The following OSBPL5 variants were observed in gnomAD, a reference collection of about 807,000 sequenced individuals.
OSBPL5 encodes the protein oxysterol-binding protein-related protein 5.
In OSBPL5, 71 loss-of-function variants were observed where a neutral mutation model predicts 111.2. The ratio of observed to expected loss-of-function variants is 0.64; its 90% CI spans 0.53 to 0.78. The LOEUF (loss-of-function observed/expected upper bound fraction) is 0.78. OSBPL5 is among the 30% of genes least tolerant of loss of function. The pLI is 0.00. For missense variants in OSBPL5, 1,210 were observed against 1,189.3 expected, an observed-to-expected ratio of 1.02 and a Z score of -0.26; for synonymous variants, 549 against 513.9, an observed-to-expected ratio of 1.07 and a Z score of -0.93.
intron 1 of OSBPL5, among the ~76,000 whole-genome samples, chr11:3,131,619 C>CCA: frequency 9.6e-5 from 3 of 31,174 alleles, no homozygotes; most frequent in Admixed American, 5.8e-4. Flanking sequence ...ATTCATCCAT[C>CCA]TGTCTATTCA....
At position 3,090,949 on chromosome 11, in the gene OSBPL5, T is replaced by A. The variant is rs115693236; in HGVS notation, c.2260-253A>T. 2.8e-3 allele frequency among the ~76,000 whole-genome samples: 424 copies of A among 152,342 alleles called. 1 individual carries two copies. Among genetic ancestry groups the A allele is most frequent in the African/African-American group, 9.5e-3 (394 of 41,594 alleles). On this transcript the variant is annotated intron_variant, in intron 19 of 21. Transcript: ENST00000263650. ...TGACCCCTCACAGTGAGCAAGGGCC[T>A]GCAAGGTGGTGCAGACACGCCTGCC...
Position 3,126,710 on chromosome 11 carries a change from T to C in OSBPL5, c.137-155A>G, listed in dbSNP as rs1395202770. Reference sequence around the variant, plus strand: ...GTGGTGGCAGGAACAGGACACTGCCTGAGAGGTGTAATAAACGCCAGCAAG... The same window carrying C: ...GTGGTGGCAGGAACAGGACACTGCCCGAGAGGTGTAATAAACGCCAGCAAG... On this transcript the variant is annotated intron_variant, in intron 2 of 21. Coordinates refer to ENST00000263650, the MANE Select transcript of OSBPL5 (RefSeq NM_020896.4). The surrounding 1 kb of genome is among the most constrained non-coding windows in gnomAD (Gnocchi z 6.5). 9 of 554,952 alleles carry C rather than the reference T, an allele frequency of 1.6e-5. No homozygotes were observed. Among genetic ancestry groups the C allele is most frequent in the Non-Finnish European group, 2.8e-5 (9 of 316,008 alleles). The allele number at this position is 554,952 out of a possible 1,614,324, so 34.4% of individuals were successfully genotyped here.
At chr11:3,136,399 G>A (rs1247514229) in intron 1 of OSBPL5, among the ~76,000 whole-genome samples, 2 of 152,264 alleles carry the variant, frequency 1.3e-5, no homozygotes, top group African/African-American at 4.8e-5. Flanking sequence ...GCCACACTTA[G>A]CTGAACCTTG....
Position 3,120,435 on chromosome 11 carries a change from C to T in OSBPL5, c.592G>A (p.Val198Ile), listed in dbSNP as rs141603706. 3.9e-4 allele frequency: 627 copies of T among 1,613,058 alleles called. 3 individuals are homozygous for T. Among genetic ancestry groups the T allele is most frequent in the African/African-American group, 2.2e-3 (162 of 75,072 alleles). Residue 198 changes from valine to isoleucine, a missense_variant, in exon 6 of 22, where the codon GTC (valine) becomes ATC (isoleucine). Physicochemically the swap from Val to Ile is conservative, Grantham distance 29. Transcript: ENST00000263650. ...FKLFHPLDQS[V>I]WAVKGPKGES... ...CTCCGCAGCACCTTCACGGCCCAGACGGACTGATCCAGCGGGTGGAAGAGC... is the reference window on the plus strand; with the variant it reads ...CTCCGCAGCACCTTCACGGCCCAGATGGACTGATCCAGCGGGTGGAAGAGC...
At chr11:3,119,432 C>A in intron 7 of OSBPL5, 115 bp downstream of exon 7, 3 of 1,075,306 alleles carry the variant, frequency 2.8e-6, no homozygotes, top group Non-Finnish European at 3.9e-6. Flanking sequence ...TTCAGGCTGC[C>A]CCCAGACAGT....
chr11:3,158,058 C>T (rs1846835420), intron 1 of OSBPL5, among the ~76,000 whole-genome samples: 1 of 152,244 alleles, frequency 6.6e-6, no homozygotes, highest in Admixed American at 6.5e-5. Context: ...GGACAAACAA[C>T]CAGGCCCTGT....
chr11:3,119,839 G>T, intron 6 of OSBPL5: 1 of 528,016 alleles, frequency 1.9e-6, no homozygotes, highest in Non-Finnish European at 3.3e-6. Flanking sequence ...CCCTTTCTTA[G>T]CTGGCAGCTC....
intron 21 of OSBPL5, 90 bp downstream of exon 21, chr11:3,089,756 T>A: frequency 7.8e-7 from 1 of 1,288,294 alleles, no homozygotes; most frequent in Non-Finnish European, 1.1e-6. Flanking sequence ...AGCCGCGGCC[T>A]CCTGGCCTCC....
intron 1 of OSBPL5, among the ~76,000 whole-genome samples, chr11:3,133,211 G>C (rs11025548): frequency 0.013 from 2,006 of 152,370 alleles, 21 homozygotes; most frequent in Middle Eastern, 0.024. Flanking sequence ...GGCCCTCTTG[G>C]TGCTGGTAGG....
chr11:3,121,848 C>T lies in OSBPL5; in HGVS notation c.402+149G>A, dbSNP rs1358202188. ...GAGACAGGTGGATAAGGAAAGGCCT[C>T]ATGAGGAAGGAGCAGAGGCTGCAGT... is the stretch of plus-strand genomic sequence containing the variant. On this transcript the variant is annotated intron_variant, in intron 5 of 21. Transcript: ENST00000263650. This position sits in a 1 kb window ranked among gnomAD's most constrained non-coding sequence, Gnocchi z 4.3. 11 of 693,138 alleles carry T rather than the reference C, an allele frequency of 1.6e-5. No homozygotes were observed. In the South Asian group the frequency reaches 1.6e-4, roughly 10 times the overall value. The allele number at this position is 693,138 out of a possible 1,614,324, so 42.9% of individuals were successfully genotyped here.
rs116705813 is a variant in OSBPL5 at position 3,117,777 on chromosome 11, C to T, written c.691+1770G>A. ...TTTCCCATTTTTCCTAATTTGGAGTCGCTGAAGACTAAGCTGTGCTTTCTT... is the reference window on the plus strand; with the variant it reads ...TTTCCCATTTTTCCTAATTTGGAGTTGCTGAAGACTAAGCTGTGCTTTCTT... On this transcript the variant is annotated intron_variant, in intron 7 of 21. Coordinates refer to ENST00000263650, the MANE Select transcript of OSBPL5 (RefSeq NM_020896.4). Among the ~76,000 whole-genome samples, 787 of 152,160 alleles carry T rather than the reference C, an allele frequency of 5.2e-3. 7 individuals are homozygous for T. The highest frequency in any genetic ancestry group is 0.017 in the African/African-American group (685 of 41,496).
intron 6 of OSBPL5, chr11:3,120,120 G>A (rs1211351301): frequency 5.7e-6 from 3 of 526,356 alleles, no homozygotes; most frequent in Non-Finnish European, 6.9e-6. Context: ...GGTGAGGGCT[G>A]GGCGCTGTTC....
chr11:3,128,965 C>T (rs1015176354), intron 2 of OSBPL5, 48 bp downstream of exon 2: 28 of 1,439,460 alleles, frequency 1.9e-5, no homozygotes, highest in African/African-American at 2.9e-5. Context: ...GTCACCCCAC[C>T]GGGCCCAAGC....
At chr11:3,089,734 G>A (rs762468605) in intron 21 of OSBPL5, 112 bp downstream of exon 21, 118 of 979,696 alleles carry the variant, frequency 1.2e-4, no homozygotes, top group East Asian at 2.7e-4. Context: ...TTCCAGCTCC[G>A]ATGACAACCC....
intron 7 of OSBPL5, among the ~76,000 whole-genome samples, chr11:3,117,097 G>A: frequency 1.3e-5 from 2 of 152,216 alleles, no homozygotes; most frequent in East Asian, 3.9e-4. Flanking sequence ...ATTTGCATAA[G>A]TGCAGTAAGA....
Position 3,104,420 on chromosome 11 carries a change from G to T in OSBPL5, c.1060-43C>A. ...CAGTCAGGCCCTGCCCGGAAGAGCC[G>T]GGAGGAAGGGGTGGCGGGACAGTGG... On this transcript the variant is annotated intron_variant, in intron 9 of 21. Transcript: ENST00000263650. The surrounding 1 kb of genome is among the most constrained non-coding windows in gnomAD (Gnocchi z 5.0). 6.3e-7 allele frequency: 1 copy of T among 1,588,524 alleles called. No homozygotes were observed. The highest frequency in any genetic ancestry group is 1.1e-5 in the South Asian group (1 of 89,810).
chr11:3,141,243 G>A lies in OSBPL5; in HGVS notation c.-21-12074C>T, dbSNP rs550320001. On this transcript the variant is annotated intron_variant, in intron 1 of 21. Transcript: ENST00000263650. The surrounding 1 kb of genome is among the most constrained non-coding windows in gnomAD (Gnocchi z 6.5). ...CAGGGAGGGCACAGGAGATGCCACC[G>A]AGTCGTGATTGCTCCTGGACAATGC... 6.6e-5 allele frequency among the ~76,000 whole-genome samples: 10 copies of A among 152,236 alleles called. No individual in the cohort carries two copies. In the South Asian group the frequency reaches 1.2e-3, roughly 19 times the overall value.
chr11:3,135,098 C>G (rs1398936152), intron 1 of OSBPL5, among the ~76,000 whole-genome samples: 1 of 152,248 alleles, frequency 6.6e-6, no homozygotes, highest in Non-Finnish European at 1.5e-5. Flanking sequence ...GTTTCCCCAG[C>G]TGTCAGTCCT....
Position 3,140,518 on chromosome 11 carries a change from A to G in OSBPL5, c.-21-11349T>C, listed in dbSNP as rs559209639. Among the ~76,000 whole-genome samples the G allele has an allele frequency of 4.0e-5, 6 of 151,800 alleles. No individual in the cohort carries two copies. Among genetic ancestry groups the G allele is most frequent in the Non-Finnish European group, 7.4e-5 (5 of 67,958 alleles). ...CTTGACCTGGTAGCCCACTTTCAAC[A>G]CTCCGTGAGCACGCAGGGCCTCCCC... On this transcript the variant is annotated intron_variant, in intron 1 of 21. Coordinates refer to ENST00000263650, the MANE Select transcript of OSBPL5 (RefSeq NM_020896.4). The surrounding 1 kb of genome is among the most constrained non-coding windows in gnomAD (Gnocchi z 4.5).
Sources: allele counts gnomAD v4.1 joint callset (sites outside exome capture counted in the v4.1 genomes callset), GRCh38; gene constraint gnomAD v4.1.1; non-coding constraint Gnocchi (gnomAD v3.1); transcripts MANE v1.5; gene names NCBI Gene and HGNC (gene_info 2026-07-23, HGNC 2026-07-21).